Variants in ASTN2 observed in about 807,000 individuals in gnomAD.
ASTN2 encodes the protein astrotactin-2.
In ASTN2, 54 loss-of-function variants were observed where a neutral mutation model predicts 139.8. The observed-to-expected ratio is 0.39, with a 90% CI of 0.31 to 0.48. The LOEUF is 0.48. ASTN2 is among the 20% of genes least tolerant of loss of function. The pLI is 0.95. For synonymous variants in ASTN2, 756 were observed against 719.5 expected, an observed-to-expected ratio of 1.05 and a Z score of -0.81; for missense variants, 1,565 against 1,725.1, an observed-to-expected ratio of 0.91 and a Z score of 1.64.
At position 116,957,525 on chromosome 9, in the gene ASTN2, T is replaced by G. The variant is rs371032489; in HGVS notation, c.1889+17683A>C. 8.0e-4 allele frequency among the ~76,000 whole-genome samples: 122 copies of G among 152,362 alleles called. 1 individual carries two copies. In the South Asian group the frequency reaches 0.024, roughly 30 times the overall value. On this transcript the variant is annotated intron_variant, in intron 10 of 22. Transcript: ENST00000313400. ...GCCCATGTGTTGCACTCAGTTGTCA[T>G]GGTCTCTTGGGATCTTTGAATTTGG...
At chr9:116,844,614 A>C (rs2132311470) in intron 11 of ASTN2, among the ~76,000 whole-genome samples, 1 of 152,214 alleles carries the variant, frequency 6.6e-6, no homozygotes, top group African/African-American at 2.4e-5. Flanking sequence ...AAAAAAAAAC[A>C]AAAAGTTAGA....
chr9:116,434,440 C>T (rs1588053647), intron 22 of ASTN2, among the ~76,000 whole-genome samples: 1 of 152,166 alleles, frequency 6.6e-6, no homozygotes, highest in Non-Finnish European at 1.5e-5. Context: ...ACTAAGAACA[C>T]AGCAGTGGAT....
chr9:117,273,203 C>T (rs1480387407), intron 2 of ASTN2, among the ~76,000 whole-genome samples: 1 of 152,156 alleles, frequency 6.6e-6, no homozygotes, highest in Non-Finnish European at 1.5e-5. Context: ...ATAAATCCAC[C>T]AGATCTTGTG....
At chr9:116,461,756 A>T (rs959282554) in intron 20 of ASTN2, among the ~76,000 whole-genome samples, 1 of 152,110 alleles carries the variant, frequency 6.6e-6, no homozygotes, top group African/African-American at 2.4e-5. Context: ...CTTCCTGCCA[A>T]CCTGTAGTAG....
chr9:117,385,669 A>G (rs1469909213), intron 1 of ASTN2, among the ~76,000 whole-genome samples: 1 of 152,098 alleles, frequency 6.6e-6, no homozygotes, highest in Non-Finnish European at 1.5e-5. Context: ...AGCATGCACA[A>G]ATCTCTAGGC....
intron 4 of ASTN2, among the ~76,000 whole-genome samples, chr9:117,134,050 C>T (rs1407908486): frequency 6.6e-6 from 1 of 151,520 alleles, no homozygotes; most frequent in African/African-American, 2.4e-5. Flanking sequence ...CTAAATCCCA[C>T]CCAAAAATCC....
At chr9:117,207,571 T>C (rs1167303732) in intron 3 of ASTN2, among the ~76,000 whole-genome samples, 1 of 152,120 alleles carries the variant, frequency 6.6e-6, no homozygotes, top group Admixed American at 6.5e-5. Flanking sequence ...GTCCCAGGCC[T>C]AAGAAACATC....
intron 5 of ASTN2, among the ~76,000 whole-genome samples, chr9:117,089,447 G>C (rs1828647463): frequency 6.6e-6 from 1 of 151,972 alleles, no homozygotes; most frequent in Non-Finnish European, 1.5e-5. Context: ...TATACTGGAG[G>C]GTTATTTACT....
intron 1 of ASTN2, among the ~76,000 whole-genome samples, chr9:117,374,053 T>C (rs965737552): frequency 1.6e-4 from 24 of 152,136 alleles, no homozygotes; most frequent in Non-Finnish European, 1.3e-4. Context: ...GCTTTAAGAA[T>C]GAAGAAAGTG....
chr9:116,532,772 G>C (rs1365399579), intron 19 of ASTN2, among the ~76,000 whole-genome samples: 5 of 152,218 alleles, frequency 3.3e-5, no homozygotes, highest in African/African-American at 7.2e-5. Flanking sequence ...TAGCCTTGTA[G>C]TATAGTTTGA....
intron 7 of ASTN2, among the ~76,000 whole-genome samples, chr9:116,999,143 T>G (rs1465012119): frequency 6.6e-6 from 1 of 152,226 alleles, no homozygotes; most frequent in East Asian, 1.9e-4. Context: ...AAATTCAATT[T>G]GCTATAAATG....
chr9:116,704,875 GA>G lies in ASTN2; in HGVS notation c.2806+20895del, dbSNP rs1588226673. ...TAAATAGAGCCAAGATTTTTTTAAA[GA>G]TTTTATATATATATGCACTAATATG... On this transcript the variant is annotated intron_variant, in intron 16 of 22. Transcript: ENST00000313400. Among the ~76,000 whole-genome samples the G allele has an allele frequency of 2.0e-5, 3 of 152,178 alleles. No individual in the cohort carries two copies. In the East Asian group the frequency reaches 5.8e-4, roughly 29 times the overall value.
chr9:116,868,360 G>A (rs756049079), intron 10 of ASTN2, among the ~76,000 whole-genome samples: 4 of 152,118 alleles, frequency 2.6e-5, no homozygotes, highest in East Asian at 1.9e-4. Flanking sequence ...CTGTGCACTC[G>A]AATCTGCCTG....
chr9:117,401,297 CCAAA>C, intron 1 of ASTN2, among the ~76,000 whole-genome samples: 1 of 152,146 alleles, frequency 6.6e-6, no homozygotes, highest in Admixed American at 6.5e-5. Context: ...CTCCCTGCCT[CCAAA>C]TACCTGTCAG....
intron 1 of ASTN2, among the ~76,000 whole-genome samples, chr9:117,294,216 A>G (rs76409444): frequency 0.066 from 10,070 of 152,338 alleles, 1,162 homozygotes; most frequent in African/African-American, 0.23. Flanking sequence ...TTGCACTTAC[A>G]TCTCCTTTCT....
intron 5 of ASTN2, among the ~76,000 whole-genome samples, chr9:117,047,455 A>G (rs999434857): frequency 2.0e-5 from 3 of 152,074 alleles, no homozygotes; most frequent in Admixed American, 1.3e-4. Flanking sequence ...TATTTCCCCA[A>G]TATCTTATCA....
intron 5 of ASTN2, among the ~76,000 whole-genome samples, chr9:117,061,526 G>T (rs975792632): frequency 6.6e-6 from 1 of 151,972 alleles, no homozygotes; most frequent in African/African-American, 2.4e-5. Context: ...CTGTTTCCAG[G>T]TGCTCTTTTA....
intron 1 of ASTN2, among the ~76,000 whole-genome samples, chr9:117,379,964 A>G (rs1179662141): frequency 6.6e-6 from 1 of 152,138 alleles, no homozygotes; most frequent in Non-Finnish European, 1.5e-5. Flanking sequence ...CAATCTGACA[A>G]CTCTGTAGAA....
In ASTN2 at chr9:116,571,995, T is replaced by C. The variant is rs553767202; in HGVS notation, c.3355+46329A>G. Among the ~76,000 whole-genome samples the C allele has an allele frequency of 2.6e-5, 4 of 152,272 alleles. No individual in the cohort carries two copies. The South Asian group carries it at 8.3e-4, about 32-fold the overall frequency. On this transcript the variant is annotated intron_variant, in intron 19 of 22. Coordinates refer to ENST00000313400, the MANE Select transcript of ASTN2 (RefSeq NM_001365068.1). ...GTATACCTGTATGGGATGGATTGCA[T>C]TCATTTGTGAGTCTGCACCCTATAT... is the stretch of plus-strand genomic sequence containing the variant.
Sources: gnomAD v4.1 joint callset for allele counts (sites outside exome capture counted in the v4.1 genomes callset) on GRCh38, gnomAD v4.1.1 for gene constraint, MANE v1.5 for transcripts, NCBI Gene and HGNC (gene_info 2026-07-23, HGNC 2026-07-21) for gene names.